Variants in GRIN2C observed in about 807,000 individuals in gnomAD.
GRIN2C encodes glutamate receptor ionotropic, NMDA 2C.
GRIN2C carries 64 observed loss-of-function variants against 77.7 expected under a neutral mutation model. The observed-to-expected ratio is 0.82, with a 90% CI of 0.67 to 1.01. GRIN2C has a LOEUF of 1.01. Ranked by LOEUF, GRIN2C falls within the 50% of genes least tolerant of loss-of-function variation. GRIN2C has a pLI of 0.00. For synonymous variants in GRIN2C, 792 were observed against 643.4 expected, an observed-to-expected ratio of 1.23 and a Z score of -3.49; for missense variants, 1,549 against 1,486.0, an observed-to-expected ratio of 1.04 and a Z score of -0.70.
In GRIN2C at chr17:74,844,492, C is replaced by T; in HGVS notation, c.2367G>A (p.Leu789=). Residue 789 remains leucine, a synonymous_variant, in exon 12 of 13, where the codon CTG becomes CTA. Transcript: ENST00000293190. ...QFLGDGETQK[L]ETVWLSGICQ... ...AGATCCCTGAGAGCCACACTGTCTC[C>T]AGTTTCTGTGTCTCTCCTGGAGTTG... is the stretch of plus-strand genomic sequence containing the variant. The T allele has an allele frequency of 5.6e-6, 9 of 1,614,108 alleles. No individual in the cohort carries two copies. The highest frequency in any genetic ancestry group is 7.6e-6 in the Non-Finnish European group (9 of 1,179,970).
intron 1 of GRIN2C, among the ~76,000 whole-genome samples, chr17:74,855,606 G>A (rs1349038167): frequency 6.6e-6 from 1 of 152,232 alleles, no homozygotes; most frequent in Admixed American, 6.5e-5. Flanking sequence ...GAGCTAACAG[G>A]CTATTTGCTG....
At position 74,850,476 on chromosome 17, in the gene GRIN2C, C is replaced by T; in HGVS notation, c.1325+80G>A. 1 of 1,569,306 alleles carries T rather than the reference C, an allele frequency of 6.4e-7. No individual in the cohort carries two copies. Among genetic ancestry groups the T allele is most frequent in the East Asian group, 2.2e-5 (1 of 44,582 alleles). On this transcript the variant is annotated intron_variant, in intron 5 of 12. Transcript: ENST00000293190. The surrounding 1 kb of genome is among the most constrained non-coding windows in gnomAD (Gnocchi z 5.3). ...GGCACGTGGACCCCTGCCCCACACC[C>T]AAGCATGGGACATACACGACACCTG...
In GRIN2C at chr17:74,850,839, G is replaced by T; in HGVS notation, c.1114-72C>A. 7.8e-7 allele frequency: 1 copy of T among 1,286,512 alleles called. No individual in the cohort carries two copies. Among genetic ancestry groups the T allele is most frequent in the Non-Finnish European group, 1.1e-6 (1 of 908,314 alleles). The allele number at this position is 1,286,512 out of a possible 1,614,324, so 79.7% of individuals were successfully genotyped here. A position where few individuals can be genotyped will look rare whatever the true frequency, so the allele number is the denominator to read the frequency against. ...CCCACCCTCTAGGTGGAGCCTGCCA[G>T]GGCCAAGAATCTCCCTCTCTCACCT... is the stretch of plus-strand genomic sequence containing the variant. On this transcript the variant is annotated intron_variant, in intron 4 of 12. Coordinates refer to ENST00000293190, the MANE Select transcript of GRIN2C (RefSeq NM_000835.6). The surrounding 1 kb of genome is among the most constrained non-coding windows in gnomAD (Gnocchi z 5.3).
intron 12 of GRIN2C, 33 bp from the exon 13 acceptor site, chr17:74,843,586 G>A (rs1341152305): frequency 6.5e-7 from 1 of 1,526,854 alleles, no homozygotes; most frequent in Non-Finnish European, 8.7e-7. Flanking sequence ...GCCGTAAGCA[G>A]CGCCCTCCGC....
rs2037508277 is a variant in GRIN2C at position 74,847,743 on chromosome 17, C to G, written c.1771+109G>C. Reference sequence around the variant, plus strand: ...TGACTGGCCCCCAGCATGTGCCATCCAAAAGCAAGGGACCTCCCAAAGGTA... The same window carrying G: ...TGACTGGCCCCCAGCATGTGCCATCGAAAAGCAAGGGACCTCCCAAAGGTA... On this transcript the variant is annotated intron_variant, in intron 8 of 12. Transcript: ENST00000293190. The surrounding 1 kb of genome is among the most constrained non-coding windows in gnomAD (Gnocchi z 5.2). 8.4e-7 allele frequency: 1 copy of G among 1,191,618 alleles called. No homozygotes were observed. Among genetic ancestry groups the G allele is most frequent in the Admixed American group, 2.0e-5 (1 of 49,382 alleles). 73.8% of individuals were successfully genotyped at this position (1,191,618 alleles called of 1,614,324 possible).
At position 74,849,750 on chromosome 17, in the gene GRIN2C, G is replaced by A. The variant is rs372271226; in HGVS notation, c.1645+30C>T. ...CCTCCTCGTGGGCCCCTCTGCCCCCGGAGCCGTCTCTGCCCACCCTGGGCC... is the reference window on the plus strand; with the variant it reads ...CCTCCTCGTGGGCCCCTCTGCCCCCAGAGCCGTCTCTGCCCACCCTGGGCC... On this transcript the variant is annotated intron_variant, in intron 7 of 12. Transcript: ENST00000293190. This position sits in a 1 kb window ranked among gnomAD's most constrained non-coding sequence, Gnocchi z 4.6. The A allele has an allele frequency of 5.5e-5, 87 of 1,591,672 alleles. No homozygotes were observed. The highest frequency in any genetic ancestry group is 4.6e-4 in the South Asian group (41 of 89,436).
At chr17:74,855,706 G>A (rs2037801533) in intron 1 of GRIN2C, among the ~76,000 whole-genome samples, 1 of 152,004 alleles carries the variant, frequency 6.6e-6, no homozygotes, top group African/African-American at 2.4e-5. Context: ...ACCCCCACCG[G>A]CCAGTCCTCC....
Position 74,850,034 on chromosome 17 carries a change from G to T in GRIN2C, c.1492-101C>A. 7.1e-7 allele frequency: 1 copy of T among 1,406,948 alleles called. No homozygotes were observed. Among genetic ancestry groups the T allele is most frequent in the Non-Finnish European group, 9.8e-7 (1 of 1,022,834 alleles). 87.2% of individuals were successfully genotyped at this position (1,406,948 alleles called of 1,614,324 possible). A position where few individuals can be genotyped will look rare whatever the true frequency, so the allele number is the denominator to read the frequency against. Reference sequence around the variant, plus strand: ...ACCCCTTCTAGCACCCACCAGCTGAGTCAATCATTCCCTCTGGGGCCCTCA... The same window carrying T: ...ACCCCTTCTAGCACCCACCAGCTGATTCAATCATTCCCTCTGGGGCCCTCA... On this transcript the variant is annotated intron_variant, in intron 6 of 12. Coordinates refer to ENST00000293190, the MANE Select transcript of GRIN2C (RefSeq NM_000835.6). This position sits in a 1 kb window ranked among gnomAD's most constrained non-coding sequence, Gnocchi z 5.3.
chr17:74,851,627 G>A lies in GRIN2C; in HGVS notation c.1063C>T (p.Gln355Ter). The A allele has an allele frequency of 6.4e-7, 1 of 1,572,152 alleles. No homozygotes were observed. ...FSFSPGGYLV[Q>*]PTMVVIALNR... ...AGGGCGATCACCACCATGGTGGGCT[G>A]GACCAGGTACCCACCAGGGCTGAAG... The change falls in exon 4 of 13, where the codon CAG (glutamine) becomes TAG (stop). Residue 355 changes from glutamine (Q) to a stop codon, truncating the protein, a stop_gained. Coordinates refer to ENST00000293190, the MANE Select transcript of GRIN2C (RefSeq NM_000835.6). LOFTEE classifies it high-confidence loss of function.
At position 74,850,225 on chromosome 17, in the gene GRIN2C, C is replaced by T. The variant is rs1478438563; in HGVS notation, c.1472G>A (p.Trp491Ter). ...GCCTACCTCCCCAATCATGCCGTTC[C>T]ATACGCCGCGCACCCGCTTGCCATG... Reference protein sequence around the residue: ...GKHGKRVRGVWNGMIGEVYYK... With the variant: ...GKHGKRVRGV The change falls in exon 6 of 13, where the codon TGG (tryptophan) becomes TAG (stop). Residue 491 changes from tryptophan to a stop codon, truncating the protein, a stop_gained. Coordinates refer to ENST00000293190, the MANE Select transcript of GRIN2C (RefSeq NM_000835.6). LOFTEE classifies it high-confidence loss of function. The surrounding 1 kb of genome is among the most constrained non-coding windows in gnomAD (Gnocchi z 5.3). 6.2e-7 allele frequency: 1 copy of T among 1,613,518 alleles called. No homozygotes were observed. Among genetic ancestry groups the T allele is most frequent in the African/African-American group, 1.3e-5 (1 of 74,900 alleles).
At position 74,850,637 on chromosome 17, in the gene GRIN2C, A is replaced by G; in HGVS notation, c.1244T>C (p.Ile415Thr). The change falls in exon 5 of 13, where the codon ATC (isoleucine) becomes ACC (threonine). Residue 415 changes from isoleucine (I) to threonine (T), a missense_variant. Coordinates refer to ENST00000293190, the MANE Select transcript of GRIN2C (RefSeq NM_000835.6). The surrounding 1 kb of genome is among the most constrained non-coding windows in gnomAD (Gnocchi z 5.3). ...VATLEERPFV[I>T]VESPDPGTGG... Reference sequence around the variant, plus strand: ...TGTGCCAGGGTCAGGGCTCTCCACGATGACAAAGGGCCGCTCTTCCAGCGT... The same window carrying G: ...TGTGCCAGGGTCAGGGCTCTCCACGGTGACAAAGGGCCGCTCTTCCAGCGT... The G allele has an allele frequency of 6.2e-7, 1 of 1,613,568 alleles. No homozygotes were observed. The highest frequency in any genetic ancestry group is 8.5e-7 in the Non-Finnish European group (1 of 1,179,986).
chr17:74,846,824 G>A lies in GRIN2C; in HGVS notation c.2098C>T (p.His700Tyr). The stretch of plus-strand genomic sequence containing the variant: ...TGGTTGAACTTGACCATGTGGGTGT[G>A]CATGTCACGGTAGTTACTGCGGATG... ...RNIRSNYRDM[H>Y]THMVKFNQRS... The change falls in exon 10 of 13, where the codon CAC (histidine) becomes TAC (tyrosine). Residue 700 changes from histidine (H) to tyrosine (Y), a missense_variant. Around this residue, in one of 3 missense-constraint regions of GRIN2C, gnomAD observed 717 missense variants for 858.1 expected, o/e 0.84. Coordinates refer to ENST00000293190, the MANE Select transcript of GRIN2C (RefSeq NM_000835.6). This position sits in a 1 kb window ranked among gnomAD's most constrained non-coding sequence, Gnocchi z 4.4. 16 of 1,614,182 alleles carry A rather than the reference G, an allele frequency of 9.9e-6. No individual in the cohort carries two copies. The highest frequency in any genetic ancestry group is 1.4e-5 in the Non-Finnish European group (16 of 1,180,032).
Position 74,859,762 on chromosome 17 carries a change from G to C in GRIN2C, c.-34C>G, listed in dbSNP as rs905863199. 6.5e-6 allele frequency: 1 copy of C among 152,800 alleles called. No individual in the cohort carries two copies. Among genetic ancestry groups the C allele is most frequent in the Non-Finnish European group, 1.5e-5 (1 of 68,036 alleles). The allele number at this position is 152,800 out of a possible 1,614,324, so 9.5% of individuals were successfully genotyped here. On this transcript the variant is annotated 5_prime_UTR_variant, in exon 1 of 13. Coordinates refer to ENST00000293190, the MANE Select transcript of GRIN2C (RefSeq NM_000835.6). This position sits in a 1 kb window ranked among gnomAD's most constrained non-coding sequence, Gnocchi z 5.9. ...CTCTTACACTCGGGCTGTGAAGTTC[G>C]GGGTATTTTTAGGCCGGCGATAAAT...
chr17:74,847,952 C>G lies in GRIN2C; in HGVS notation c.1671G>C (p.Val557=). 6.2e-7 allele frequency: 1 copy of G among 1,614,108 alleles called. No individual in the cohort carries two copies. The highest frequency in any genetic ancestry group is 8.5e-7 in the Non-Finnish European group (1 of 1,179,974). ...FLEPYSPAVW[V]MMFVMCLTVV... ...CAGTGAGGCACATGACAAACATCAT[C>G]ACCCACACTGCAGGGCTATATGGCT... The change falls in exon 8 of 13, where the codon GTG becomes GTC. Residue 557 remains valine, a synonymous_variant. Transcript: ENST00000293190. This position sits in a 1 kb window ranked among gnomAD's most constrained non-coding sequence, Gnocchi z 5.2.
intron 7 of GRIN2C, among the ~76,000 whole-genome samples, 179 bp from the exon 8 acceptor site, chr17:74,848,156 G>T (rs2037523185): frequency 2.0e-5 from 3 of 152,166 alleles, no homozygotes; most frequent in African/African-American, 7.2e-5. Context: ...CCCCAAAAGA[G>T]GTCAGGCTCT....
intron 2 of GRIN2C, chr17:74,853,516 GTTT>G (rs2037725531): frequency 6.6e-6 from 1 of 152,174 alleles, no homozygotes; most frequent in Non-Finnish European, 1.5e-5. Flanking sequence ...ATTTGAAGGA[GTTT>G]TTATTATTTT....
At chr17:74,844,716 G>A (rs2037404902) in intron 11 of GRIN2C, among the ~76,000 whole-genome samples, 1 of 152,176 alleles carries the variant, frequency 6.6e-6, no homozygotes, top group African/African-American at 2.4e-5. Context: ...AAATAGGAAA[G>A]CAGGGTGGAG....
At chr17:74,861,364 C>T (rs998866463), upstream of GRIN2C, 2 of 152,192 alleles carry the variant, frequency 1.3e-5, no homozygotes, top group South Asian at 4.1e-4. Context: ...GCTCGCGCGC[C>T]GCGGGAACCC....
chr17:74,843,889 T>C (rs1434562904), intron 12 of GRIN2C: 1 of 461,580 alleles, frequency 2.2e-6, no homozygotes, highest in Admixed American at 4.1e-5. Context: ...TTTTTTTTTT[T>C]TAGAAACAGG....
Sources: gnomAD v4.1 joint callset for allele counts (sites outside exome capture counted in the v4.1 genomes callset) on GRCh38, gnomAD v4.1.1 for gene constraint, gnomAD v4.1.1 regional missense constraint, Gnocchi (gnomAD v3.1) non-coding constraint, MANE v1.5 for transcripts, NCBI Gene and HGNC (gene_info 2026-07-23, HGNC 2026-07-21) for gene names.